Variants in CNTN5 observed in about 807,000 individuals in gnomAD.
CNTN5 encodes contactin-5.
CNTN5 carries 77 observed loss-of-function variants against 129.1 expected under a neutral mutation model. The ratio of observed to expected loss-of-function variants is 0.60; its 90% CI spans 0.50 to 0.72. CNTN5 has a LOEUF of 0.72. CNTN5 is among the 30% of genes least tolerant of loss of function. The probability of loss-of-function intolerance (pLI) is 0.00; values close to 1 mark genes in which losing one functional copy is unlikely to be tolerated. For missense variants in CNTN5, 1,478 were observed against 1,328.8 expected, an observed-to-expected ratio of 1.11 and a Z score of -1.75; for synonymous variants, 509 against 465.6, an observed-to-expected ratio of 1.09 and a Z score of -1.20.
At chr11:100,034,967 T>A (rs1162529105) in intron 9 of CNTN5, among the ~76,000 whole-genome samples, 1 of 152,178 alleles carries the variant, frequency 6.6e-6, no homozygotes, top group Non-Finnish European at 1.5e-5. Context: ...TCTGTATCTT[T>A]TTTTTTAAAT....
At chr11:99,663,684 G>A (rs59205224) in intron 3 of CNTN5, among the ~76,000 whole-genome samples, 1,607 of 152,126 alleles carry the variant, frequency 0.011, 35 homozygotes, top group African/African-American at 0.035. Context: ...GTTCTATAAC[G>A]AGCTCTTACC....
At chr11:99,760,665 G>T (rs1484305064) in intron 3 of CNTN5, among the ~76,000 whole-genome samples, 1 of 152,042 alleles carries the variant, frequency 6.6e-6, no homozygotes, top group Non-Finnish European at 1.5e-5. Flanking sequence ...GCAAAATATA[G>T]TATTAAATAC....
chr11:100,341,682 A>G (rs551567793), intron 23 of CNTN5, among the ~76,000 whole-genome samples: 1 of 152,346 alleles, frequency 6.6e-6, no homozygotes, highest in South Asian at 2.1e-4. Flanking sequence ...GCTCCAAAAC[A>G]GAGCCAACAT....
At chr11:99,223,519 A>C (rs536574374) in intron 1 of CNTN5, among the ~76,000 whole-genome samples, 22 of 152,298 alleles carry the variant, frequency 1.4e-4, no homozygotes, top group African/African-American at 5.1e-4. Context: ...AAATTCACTT[A>C]TCTTTTGTAA....
chr11:99,832,896 A>T (rs1000523092), intron 4 of CNTN5, among the ~76,000 whole-genome samples: 11 of 152,228 alleles, frequency 7.2e-5, no homozygotes, highest in African/African-American at 2.7e-4. Flanking sequence ...ACCAGCAGGC[A>T]GAACAGTTGC....
At chr11:99,084,013 ATT>A (rs1865905679) in intron 1 of CNTN5, among the ~76,000 whole-genome samples, 1 of 152,206 alleles carries the variant, frequency 6.6e-6, no homozygotes, top group Admixed American at 6.5e-5. Flanking sequence ...TAATTGCTCT[ATT>A]TTACCAATAA....
At chr11:99,057,700 A>G (rs1238599954) in intron 1 of CNTN5, among the ~76,000 whole-genome samples, 1 of 151,858 alleles carries the variant, frequency 6.6e-6, no homozygotes, top group Non-Finnish European at 1.5e-5. Flanking sequence ...AAAGAAGTGG[A>G]AAAAAAGTGC....
At position 100,204,297 on chromosome 11, in the gene CNTN5, AATAT is replaced by A. The variant is rs10633078; in HGVS notation, c.1884+10678_1884+10681del. Among the ~76,000 whole-genome samples the A allele has an allele frequency of 6.2e-3, 109 of 17,634 alleles. 1 individual carries two copies. Among genetic ancestry groups the A allele is most frequent in the East Asian group, 0.04 (12 of 302 alleles). The allele number at this position is 17,634 out of a possible 152,430, so 11.6% of individuals were successfully genotyped here. On this transcript the variant is annotated intron_variant, in intron 15 of 24. Transcript: ENST00000524871. ...GCTCACCAAGAAACAAACATTGACTAATATATATATATATATATATATATATATA... is the reference window on the plus strand; with the variant it reads ...GCTCACCAAGAAACAAACATTGACTAATATATATATATATATATATATATA...
intron 1 of CNTN5, among the ~76,000 whole-genome samples, chr11:99,259,904 A>T (rs998098947): frequency 4.6e-5 from 7 of 151,812 alleles, no homozygotes; most frequent in African/African-American, 1.4e-4. Context: ...GCACCATTTC[A>T]TATATTTTGG....
intron 1 of CNTN5, among the ~76,000 whole-genome samples, chr11:99,120,725 G>T (rs919253027): frequency 6.6e-6 from 1 of 151,992 alleles, no homozygotes; most frequent in African/African-American, 2.4e-5. Flanking sequence ...CATCATCAAG[G>T]GTCAGGTGAG....
At chr11:99,784,008 G>C (rs1420199156) in intron 3 of CNTN5, among the ~76,000 whole-genome samples, 1 of 151,970 alleles carries the variant, frequency 6.6e-6, no homozygotes, top group Non-Finnish European at 1.5e-5. Flanking sequence ...GTTTTTGTGT[G>C]GTCCTGACTA....
intron 2 of CNTN5, among the ~76,000 whole-genome samples, chr11:99,424,104 T>C (rs1321764978): frequency 6.6e-6 from 1 of 152,178 alleles, no homozygotes; most frequent in Non-Finnish European, 1.5e-5. Context: ...CAGCTTAATT[T>C]ATAAATTAGG....
chr11:99,970,909 C>A (rs905530778), intron 8 of CNTN5, among the ~76,000 whole-genome samples: 1 of 152,122 alleles, frequency 6.6e-6, no homozygotes, highest in African/African-American at 2.4e-5. Context: ...TTTTCTGACT[C>A]CATAATTTTT....
At chr11:99,987,574 C>T (rs1938775859) in intron 8 of CNTN5, among the ~76,000 whole-genome samples, 1 of 150,222 alleles carries the variant, frequency 6.7e-6, no homozygotes, top group African/African-American at 2.4e-5. Context: ...CATATATGCA[C>T]AGAGAGAGAG....
intron 9 of CNTN5, among the ~76,000 whole-genome samples, chr11:100,038,858 A>G (rs1217323337): frequency 6.6e-6 from 1 of 152,008 alleles, no homozygotes. Flanking sequence ...GAGCCTGTGT[A>G]TGTGTCTGCA....
rs77236048 is a variant in CNTN5, at chr11:99,952,307, T to A, written c.674-4499T>A. Among the ~76,000 whole-genome samples, 261 of 152,286 alleles carry A rather than the reference T, an allele frequency of 1.7e-3. 2 individuals are homozygous for A. The East Asian group carries it at 0.028, about 16-fold the overall frequency. ...TTTTCTCCAGGAACTTACTAAGTTA[T>A]CCTATTTAAGTGTCTTCACTTCAAT... On this transcript the variant is annotated intron_variant, in intron 7 of 24. Coordinates refer to ENST00000524871, the MANE Select transcript of CNTN5 (RefSeq NM_014361.4).
rs533680186 is a variant in CNTN5, at chr11:99,425,531, G to T, written c.-71+100047G>T. ...ACAAGGTGGTGGGGTGGGGGTAGGG[G>T]GCTGGCATAACAGCACCACCCCAAA... On this transcript the variant is annotated intron_variant, in intron 2 of 24. Coordinates refer to ENST00000524871, the MANE Select transcript of CNTN5 (RefSeq NM_014361.4). 1.9e-3 allele frequency among the ~76,000 whole-genome samples: 294 copies of T among 152,324 alleles called. 1 individual carries two copies. Among genetic ancestry groups the T allele is most frequent in the Admixed American group, 4.6e-3 (70 of 15,306 alleles).
chr11:99,164,513 G>C (rs1402789766), intron 1 of CNTN5, among the ~76,000 whole-genome samples: 1 of 152,036 alleles, frequency 6.6e-6, no homozygotes, highest in African/African-American at 2.4e-5. Context: ...TTCATTTTTA[G>C]AACTCCTTCA....
At chr11:99,652,136 C>T (rs933430849) in intron 3 of CNTN5, among the ~76,000 whole-genome samples, 1 of 151,974 alleles carries the variant, frequency 6.6e-6, no homozygotes, top group Non-Finnish European at 1.5e-5. Flanking sequence ...GAAGGTCTTC[C>T]AAGGTGATTT....
Sources: gnomAD v4.1 joint callset for allele counts (sites outside exome capture counted in the v4.1 genomes callset) on GRCh38, gnomAD v4.1.1 for gene constraint, MANE v1.5 for transcripts, NCBI Gene and HGNC (gene_info 2026-07-23, HGNC 2026-07-21) for gene names.